ACTR6: variants seen among roughly 807,000 people sequenced by gnomAD.
The protein encoded by ACTR6 is actin-related protein 6.
A neutral mutation model predicts 52.5 loss-of-function variants in ACTR6; 50 were observed. The observed-to-expected ratio is 0.95, with a 90% CI of 0.76 to 1.20. The LOEUF (loss-of-function observed/expected upper bound fraction) is 1.20, where lower values mean the gene tolerates loss of function less well. Ranked by LOEUF, ACTR6 falls within the 50% of genes most tolerant of loss-of-function variation. The pLI is 0.00. For missense variants in ACTR6, 344 were observed against 472.4 expected (o/e 0.73, Z 2.52); for synonymous variants, 135 against 147.2 (o/e 0.92, Z 0.60).
In ACTR6 at chr12:100,205,001, C is replaced by G. The variant is rs369354926; in HGVS notation, c.130C>G (p.Gln44Glu). ...ACGTCTTAAAACTTTTACTGCCAACCAGATAGATGAAATAAAAGACCCTTC... is the reference window on the plus strand; with the variant it reads ...ACGTCTTAAAACTTTTACTGCCAACGAGATAGATGAAATAAAAGACCCTTC... ...TARLKTFTAN[Q>E]IDEIKDPSGL... The change falls in exon 2 of 11, where the codon CAG (glutamine) becomes GAG (glutamate). Residue 44 changes from glutamine to glutamate, a missense_variant. Transcript: ENST00000188312. The G allele has an allele frequency of 6.2e-7, 1 of 1,612,652 alleles. No individual in the cohort carries two copies. The highest frequency in any genetic ancestry group is 8.5e-7 in the Non-Finnish European group (1 of 1,179,026).
chr12:100,220,766 A>C (rs2096127523), intron 10 of ACTR6, among the ~76,000 whole-genome samples: 1 of 152,128 alleles, frequency 6.6e-6, no homozygotes, highest in South Asian at 2.1e-4. Context: ...AGGCTGAGGC[A>C]GGCAGATCAC....
chr12:100,204,840 T>C, intron 1 of ACTR6, 100 bp from the exon 2 acceptor site: 1 of 741,086 alleles, frequency 1.3e-6, no homozygotes, highest in South Asian at 1.7e-5. Context: ...ATACCAATCT[T>C]AGGATACGCT....
At chr12:100,221,992 T>C (rs1054466591) in intron 10 of ACTR6, among the ~76,000 whole-genome samples, 22 of 152,058 alleles carry the variant, frequency 1.4e-4, no homozygotes, top group African/African-American at 5.3e-4. Flanking sequence ...TCTCACTCTG[T>C]TGCTCAGGCT....
At chr12:100,214,194 G>C (rs902921431) in intron 8 of ACTR6, among the ~76,000 whole-genome samples, 2 of 152,114 alleles carry the variant, frequency 1.3e-5, no homozygotes, top group South Asian at 2.1e-4. Flanking sequence ...ACTTAAATAT[G>C]AAGTAAAAGT....
chr12:100,201,013 C>G (rs1458943843), intron 1 of ACTR6, 94 bp downstream of exon 1: 2 of 1,596,518 alleles, frequency 1.3e-6, no homozygotes, highest in Non-Finnish European at 1.7e-6. Context: ...CTGCAGACAC[C>G]CCCGCGCGGC....
intron 3 of ACTR6, 99 bp from the exon 4 acceptor site, chr12:100,207,564 C>G: frequency 8.8e-7 from 1 of 1,138,762 alleles, no homozygotes; most frequent in Non-Finnish European, 1.2e-6. Context: ...TAAGACATCA[C>G]GATTATTGTG....
At chr12:100,207,392 C>T (rs2096115762) in intron 3 of ACTR6, among the ~76,000 whole-genome samples, 1 of 152,000 alleles carries the variant, frequency 6.6e-6, no homozygotes, top group South Asian at 2.1e-4. Flanking sequence ...TTAATGCTAC[C>T]TCTAACAGAA....
chr12:100,212,400 G>GATGTTACA, intron 7 of ACTR6, 46 bp downstream of exon 7: 1 of 1,591,124 alleles, frequency 6.3e-7, no homozygotes. Context: ...ATTGTTAGGG[G>GATGTTACA]ATGTTACACA....
In ACTR6 at chr12:100,201,160, A is replaced by G. The variant is rs17030033; in HGVS notation, c.68+241A>G. The G allele has an allele frequency of 0.011, 11,952 of 1,092,310 alleles. 850 individuals carry two copies. The African/African-American group carries it at 0.16, about 15-fold the overall frequency. 67.7% of individuals were successfully genotyped at this position (1,092,310 alleles called of 1,614,324 possible). On this transcript the variant is annotated intron_variant, in intron 1 of 10. Transcript: ENST00000188312. ...TATATGTTTTATTTCGTAACAGGAA[A>G]TAGCCAAAGAAAATAGGCTTATAGA... is the stretch of plus-strand genomic sequence containing the variant.
At chr12:100,201,680 G>C (rs976931873) in intron 1 of ACTR6, among the ~76,000 whole-genome samples, 1 of 152,180 alleles carries the variant, frequency 6.6e-6, no homozygotes, top group Non-Finnish European at 1.5e-5. Context: ...ACCGAGGCTG[G>C]AGTGCCGTGG....
chr12:100,210,447 T>C, intron 6 of ACTR6, 96 bp downstream of exon 6: 2 of 1,308,030 alleles, frequency 1.5e-6, no homozygotes, highest in Non-Finnish European at 2.2e-6. Context: ...GGCCAGTCAT[T>C]GTGACTCACG....
chr12:100,207,656 C>A lies in ACTR6; in HGVS notation c.256-7C>A. On this transcript the variant is annotated splice_region_variant and splice_polypyrimidine_tract_variant and intron_variant, in intron 3 of 10. Coordinates refer to ENST00000188312, the MANE Select transcript of ACTR6 (RefSeq NM_022496.5). ...TATGAAACATTTTGGAATGTTTTCTCCTATAGGTTGATTTTTTAGATACTA... is the reference window on the plus strand; with the variant it reads ...TATGAAACATTTTGGAATGTTTTCTACTATAGGTTGATTTTTTAGATACTA... The A allele has an allele frequency of 6.8e-7, 1 of 1,476,766 alleles. No individual in the cohort carries two copies. Among genetic ancestry groups the A allele is most frequent in the South Asian group, 1.3e-5 (1 of 75,772 alleles). The allele number at this position is 1,476,766 out of a possible 1,614,324, so 91.5% of individuals were successfully genotyped here.
chr12:100,210,443 T>G (rs7970382), intron 6 of ACTR6, 92 bp downstream of exon 6: 290,130 of 1,330,016 alleles, frequency 0.22, 40,316 homozygotes, highest in African/African-American at 0.68. Context: ...TTAAGGCCAG[T>G]CATTGTGACT....
Position 100,205,071 on chromosome 12 carries a change from T to TG in ACTR6, c.186+14_186+15insG. ...CCTTTTCAAAAGGTAATCCAATTAA[T>TG]TATGTTTCATTTCTAGCATTGTAGA... is the stretch of plus-strand genomic sequence containing the variant. On this transcript the variant is annotated intron_variant, in intron 2 of 10. Transcript: ENST00000188312. The TG allele has an allele frequency of 6.8e-7, 1 of 1,466,006 alleles. No homozygotes were observed. The highest frequency in any genetic ancestry group is 9.4e-7 in the Non-Finnish European group (1 of 1,061,690). The allele number at this position is 1,466,006 out of a possible 1,614,324, so 90.8% of individuals were successfully genotyped here. A position where few individuals can be genotyped will look rare whatever the true frequency, so the allele number is the denominator to read the frequency against.
chr12:100,201,274 T>C (rs1418115958), intron 1 of ACTR6, among the ~76,000 whole-genome samples: 1 of 152,204 alleles, frequency 6.6e-6, no homozygotes, highest in Non-Finnish European at 1.5e-5. Flanking sequence ...TTTTCCTGGG[T>C]ACAAGATTAT....
intron 1 of ACTR6, among the ~76,000 whole-genome samples, chr12:100,203,506 T>C (rs1003851610): frequency 6.6e-5 from 10 of 152,070 alleles, no homozygotes; most frequent in Non-Finnish European, 1.2e-4. Flanking sequence ...GGTTTTACCA[T>C]GTTGGCCAGG....
At chr12:100,205,136 G>T in intron 2 of ACTR6, 79 bp downstream of exon 2, 1 of 871,596 alleles carries the variant, frequency 1.1e-6, no homozygotes. Flanking sequence ...ATAAAAGGCT[G>T]TGTGTAACTT....
At chr12:100,206,688 A>AG (rs1463318255) in intron 3 of ACTR6, among the ~76,000 whole-genome samples, 13 of 116,988 alleles carry the variant, frequency 1.1e-4, no homozygotes, top group Non-Finnish European at 2.4e-4. Flanking sequence ...TTTTTTTTTT[A>AG]GGGGGAGTCT....
chr12:100,209,716 A>G (rs1294424722), intron 4 of ACTR6, among the ~76,000 whole-genome samples: 1 of 152,186 alleles, frequency 6.6e-6, no homozygotes, highest in East Asian at 1.9e-4. Context: ...GTAAAATGGA[A>G]TTGTTTTGAG....
Sources: gnomAD v4.1 joint callset for allele counts (sites outside exome capture counted in the v4.1 genomes callset) on GRCh38, gnomAD v4.1.1 for gene constraint, MANE v1.5 for transcripts, NCBI Gene and HGNC (gene_info 2026-07-23, HGNC 2026-07-21) for gene names.